The following ARB2A variants were observed in gnomAD, a reference collection of about 807,000 sequenced individuals.
The protein encoded by ARB2A is ARB2 cotranscriptional regulator A.
chr5:94,025,839 T>TGCAA, the ARB2A span, among the ~76,000 whole-genome samples: 5 of 152,154 alleles, frequency 3.3e-5, no homozygotes, highest in African/African-American at 1.2e-4. Flanking sequence ...AGGCCTTGCT[T>TGCAA]GGGCCCAGGT....
At chr5:93,959,064 T>C in the ARB2A span, 4 of 771,758 alleles carry the variant, frequency 5.2e-6, no homozygotes, top group East Asian at 2.9e-5. Flanking sequence ...AAGTATTAAA[T>C]GGTTACTATA....
At chr5:93,748,271 G>T in the ARB2A span, among the ~76,000 whole-genome samples, 1 of 152,082 alleles carries the variant, frequency 6.6e-6, no homozygotes, top group Non-Finnish European at 1.5e-5. Context: ...TATAATATTA[G>T]CAGGAAGAAG....
At chr5:93,660,338 T>C in the ARB2A span, among the ~76,000 whole-genome samples, 2 of 152,134 alleles carry the variant, frequency 1.3e-5, no homozygotes, top group African/African-American at 4.8e-5. Flanking sequence ...CTCTTCATCA[T>C]CATACTGCAC....
At chr5:94,065,207 G>T in the ARB2A span, among the ~76,000 whole-genome samples, 1 of 152,148 alleles carries the variant, frequency 6.6e-6, no homozygotes, top group African/African-American at 2.4e-5. Flanking sequence ...TAAACTGAAA[G>T]AACAGGGATG....
At chr5:93,731,638 G>T in the ARB2A span, among the ~76,000 whole-genome samples, 1 of 152,136 alleles carries the variant, frequency 6.6e-6, no homozygotes, top group Non-Finnish European at 1.5e-5. Context: ...TTTTAAAGCA[G>T]ATCTAGGAAC....
At chr5:93,637,769 A>G in the ARB2A span, among the ~76,000 whole-genome samples, 2 of 152,232 alleles carry the variant, frequency 1.3e-5, no homozygotes, top group African/African-American at 2.4e-5. Flanking sequence ...ACTGTGCCGT[A>G]AAGGATTAAC....
chr5:94,074,802 A>C, the ARB2A span: 1 of 1,433,298 alleles, frequency 7.0e-7, no homozygotes, highest in Non-Finnish European at 9.7e-7. Flanking sequence ...ATTAAGTTCT[A>C]CTCAAAACCT....
the ARB2A span, among the ~76,000 whole-genome samples, chr5:93,792,270 A>G: frequency 6.6e-6 from 1 of 152,184 alleles, no homozygotes; most frequent in South Asian, 2.1e-4. Flanking sequence ...TACAATGAAT[A>G]TATGTGAAGT....
At chr5:93,821,008 T>C in the ARB2A span, among the ~76,000 whole-genome samples, 1 of 152,262 alleles carries the variant, frequency 6.6e-6, no homozygotes, top group Admixed American at 6.5e-5. Context: ...AAAATGAATA[T>C]TGGTTTTGAA....
At chr5:93,773,641 C>A in the ARB2A span, among the ~76,000 whole-genome samples, 1 of 152,060 alleles carries the variant, frequency 6.6e-6, no homozygotes, top group African/African-American at 2.4e-5. Context: ...TTTTTTTTAA[C>A]CAATTCAAGT....
the ARB2A span, among the ~76,000 whole-genome samples, chr5:93,718,793 C>T: frequency 6.6e-6 from 1 of 152,188 alleles, no homozygotes; most frequent in African/African-American, 2.4e-5. Context: ...AAGAGTGATT[C>T]AGATTATTTT....
the ARB2A span, chr5:93,741,171 C>T: frequency 6.2e-7 from 1 of 1,613,774 alleles, no homozygotes; most frequent in African/African-American, 1.3e-5. Flanking sequence ...GCCTCAACTC[C>T]TTGGCCAATT....
chr5:93,693,866 G>A, the ARB2A span, among the ~76,000 whole-genome samples: 1 of 152,022 alleles, frequency 6.6e-6, no homozygotes, highest in Non-Finnish European at 1.5e-5. Flanking sequence ...CTTCATCCCT[G>A]GGATGTAAGG....
At chr5:94,068,913 T>TAATCCC in the ARB2A span, among the ~76,000 whole-genome samples, 1 of 148,906 alleles carries the variant, frequency 6.7e-6, no homozygotes, top group Non-Finnish European at 1.5e-5. Flanking sequence ...TGGGCACCTG[T>TAATCCC]AATCCCAGCT....
At chr5:94,012,379 A>G in the ARB2A span, among the ~76,000 whole-genome samples, 28 of 152,292 alleles carry the variant, frequency 1.8e-4, 1 homozygote, top group East Asian at 1.2e-3. Flanking sequence ...TCCAGCCTGG[A>G]GGACAGAGCG....
At chr5:93,655,709 T>C in the ARB2A span, among the ~76,000 whole-genome samples, 1 of 152,116 alleles carries the variant, frequency 6.6e-6, no homozygotes, top group East Asian at 1.9e-4. Flanking sequence ...ACAAAGACTG[T>C]ATATTGTTTT....
the ARB2A span, among the ~76,000 whole-genome samples, chr5:93,854,614 C>G: frequency 5.3e-5 from 8 of 152,226 alleles, no homozygotes; most frequent in Non-Finnish European, 1.0e-4. Flanking sequence ...TTTCCCTCTA[C>G]ACACTGCTTT....
the ARB2A span, among the ~76,000 whole-genome samples, chr5:94,015,013 G>A: frequency 2.0e-5 from 3 of 151,842 alleles, no homozygotes; most frequent in Non-Finnish European, 4.4e-5. Flanking sequence ...TCCAAAACAT[G>A]AGAAAGACAT....
chr5:93,898,109 T>C, the ARB2A span, among the ~76,000 whole-genome samples: 2 of 152,044 alleles, frequency 1.3e-5, no homozygotes, highest in Admixed American at 6.6e-5. Flanking sequence ...CTGACAATTT[T>C]AAGGATTCTC....
Sources: allele counts gnomAD v4.1 joint callset (sites outside exome capture counted in the v4.1 genomes callset), GRCh38; gene constraint gnomAD v4.1.1; transcripts MANE v1.5; gene names NCBI Gene and HGNC (gene_info 2026-07-23, HGNC 2026-07-21).